USP32: variants seen among roughly 807,000 people sequenced by gnomAD.
USP32 encodes ubiquitin specific peptidase 32.
In USP32, 59 loss-of-function variants were observed where a neutral mutation model predicts 204.8. That is an observed-to-expected ratio of 0.29 (90% CI 0.23 to 0.36). The LOEUF (loss-of-function observed/expected upper bound fraction) is 0.36, where lower values mean the gene tolerates loss of function less well. USP32 is among the 10% of genes least tolerant of loss of function. USP32 has a pLI of 1.00. For missense variants in USP32, 1,160 were observed against 1,946.4 expected (o/e 0.60, Z 7.60); for synonymous variants, 517 against 678.4 (o/e 0.76, Z 3.70).
rs2087577589 is a variant in USP32 at position 60,301,588 on chromosome 17, A to G, written c.292+11T>C. ...TAGACGAATTATTTTTGAGATAATA[A>G]AAGTACTTACATTTTGCTTTCTCTT... On this transcript the variant is annotated intron_variant, in intron 3 of 33. Coordinates refer to ENST00000300896, the MANE Select transcript of USP32 (RefSeq NM_032582.4). 1 of 1,517,652 alleles carries G rather than the reference A, an allele frequency of 6.6e-7. No homozygotes were observed. The highest frequency in any genetic ancestry group is 8.9e-7 in the Non-Finnish European group (1 of 1,120,054). The allele number at this position is 1,517,652 out of a possible 1,614,324, so 94.0% of individuals were successfully genotyped here. A position where few individuals can be genotyped will look rare whatever the true frequency, so the allele number is the denominator to read the frequency against.
At chr17:60,273,489 G>A (rs547850938) in intron 5 of USP32, among the ~76,000 whole-genome samples, 3 of 152,084 alleles carry the variant, frequency 2.0e-5, no homozygotes, top group African/African-American at 7.2e-5. Flanking sequence ...AACAATCCTG[G>A]AAAATATGGT....
chr17:60,418,706 C>T (rs2143123713), intron 1 of USP32, among the ~76,000 whole-genome samples: 1 of 152,128 alleles, frequency 6.6e-6, no homozygotes, highest in East Asian at 1.9e-4. Flanking sequence ...CATCAAAGGA[C>T]ATGAACAGAC....
chr17:60,301,699 A>G lies in USP32; in HGVS notation c.192T>C (p.Ile64=). The change falls in exon 3 of 34, where the codon ATT becomes ATC. Residue 64 remains isoleucine (I), a synonymous_variant. Transcript: ENST00000300896. ...TGGATGTTCCACCAAAAGAACAGTAAATCACCTGGAAAAAGATGATAAAGC... is the reference window on the plus strand; with the variant it reads ...TGGATGTTCCACCAAAAGAACAGTAGATCACCTGGAAAAAGATGATAAAGC... ...DGVPPKVAEV[I]YCSFGGTSKG... The G allele has an allele frequency of 6.3e-7, 1 of 1,584,610 alleles. No individual in the cohort carries two copies. The highest frequency in any genetic ancestry group is 8.5e-7 in the Non-Finnish European group (1 of 1,170,660).
chr17:60,248,090 T>G (rs796814338), intron 11 of USP32, among the ~76,000 whole-genome samples: 7 of 152,384 alleles, frequency 4.6e-5, no homozygotes, highest in African/African-American at 1.7e-4. Flanking sequence ...TATTTTGAAG[T>G]CAGGTAGTAA....
intron 9 of USP32, chr17:60,257,901 T>A (rs1295969659): frequency 6.6e-6 from 1 of 152,294 alleles, no homozygotes; most frequent in Non-Finnish European, 1.5e-5. Flanking sequence ...TCTTACTAAG[T>A]TGCTTTTTTT....
intron 1 of USP32, among the ~76,000 whole-genome samples, chr17:60,370,764 CAA>C (rs112650493): frequency 0.018 from 1,276 of 72,702 alleles, 22 homozygotes; most frequent in African/African-American, 0.045. Context: ...GCTACTGTCT[CAA>C]AAAAAAAAAA....
chr17:60,295,795 T>G (rs998117809), intron 3 of USP32, among the ~76,000 whole-genome samples: 17 of 152,318 alleles, frequency 1.1e-4, no homozygotes, highest in African/African-American at 3.8e-4. Context: ...TGCCTAATTT[T>G]TAAATTAATC....
intron 1 of USP32, among the ~76,000 whole-genome samples, chr17:60,399,498 A>T (rs2089920722): frequency 6.6e-6 from 1 of 151,722 alleles, no homozygotes; most frequent in Admixed American, 6.6e-5. Flanking sequence ...CTACAAAAAA[A>T]TTTAAAAAAA....
chr17:60,222,610 C>A (rs7224812), intron 14 of USP32, 61 bp from the exon 15 acceptor site: 1 of 1,532,938 alleles, frequency 6.5e-7, no homozygotes, highest in Non-Finnish European at 8.9e-7. Context: ...TGGGTCTCAG[C>A]AATACCTAGA....
intron 29 of USP32, among the ~76,000 whole-genome samples, chr17:60,189,385 T>C (rs140157108): frequency 9.8e-5 from 15 of 152,352 alleles, no homozygotes; most frequent in Non-Finnish European, 1.8e-4. Context: ...TTACCGTTAC[T>C]AACTTATCCA....
chr17:60,259,272 G>A (rs1170690834), intron 9 of USP32, among the ~76,000 whole-genome samples: 1 of 152,030 alleles, frequency 6.6e-6, no homozygotes, highest in Admixed American at 6.6e-5. Flanking sequence ...TAAGAATCAT[G>A]GCCTTTTAAA....
At chr17:60,269,909 A>C (rs1211407531) in intron 6 of USP32, among the ~76,000 whole-genome samples, 1 of 152,182 alleles carries the variant, frequency 6.6e-6, no homozygotes, top group East Asian at 1.9e-4. Context: ...ACTTAGAAAG[A>C]CTAAGAAGAA....
chr17:60,252,467 AG>A (rs1480457788), intron 10 of USP32, 25 bp from the exon 11 acceptor site: 1 of 1,582,904 alleles, frequency 6.3e-7, no homozygotes, highest in East Asian at 2.3e-5. Context: ...GGTAAATCAA[AG>A]TTTATTAACT....
chr17:60,229,847 T>G (rs1323656077), intron 12 of USP32, among the ~76,000 whole-genome samples: 1 of 152,156 alleles, frequency 6.6e-6, no homozygotes, highest in African/African-American at 2.4e-5. Flanking sequence ...AGAGTCTCGC[T>G]TTGTTGCCCA....
At chr17:60,282,810 T>G (rs990145140) in intron 5 of USP32, among the ~76,000 whole-genome samples, 1 of 152,194 alleles carries the variant, frequency 6.6e-6, no homozygotes, top group African/African-American at 2.4e-5. Context: ...GGCAATCAAA[T>G]GTTTAAATCA....
chr17:60,347,491 C>T (rs374268757), intron 1 of USP32, among the ~76,000 whole-genome samples: 12 of 151,414 alleles, frequency 7.9e-5, no homozygotes, highest in African/African-American at 2.7e-4. Flanking sequence ...GTAGCTGGGA[C>T]TACAGGCGCC....
At chr17:60,316,626 A>G (rs921543449) in intron 2 of USP32, among the ~76,000 whole-genome samples, 2 of 152,058 alleles carry the variant, frequency 1.3e-5, no homozygotes, top group African/African-American at 4.8e-5. Flanking sequence ...GGAGCACTTG[A>G]GGTCAGGAGT....
At chr17:60,334,250 G>A (rs2088460298) in intron 2 of USP32, among the ~76,000 whole-genome samples, 1 of 151,994 alleles carries the variant, frequency 6.6e-6, no homozygotes, top group African/African-American at 2.4e-5. Flanking sequence ...CATTTTTCTG[G>A]ACTGCAAATG....
chr17:60,251,197 C>T (rs1259095730), intron 11 of USP32, among the ~76,000 whole-genome samples: 4 of 152,038 alleles, frequency 2.6e-5, no homozygotes, highest in African/African-American at 9.7e-5. Flanking sequence ...CCTGCCTTGG[C>T]TTCCCAAAGT....
Sources: allele counts gnomAD v4.1 joint callset (sites outside exome capture counted in the v4.1 genomes callset), GRCh38; gene constraint gnomAD v4.1.1; transcripts MANE v1.5; gene names NCBI Gene and HGNC (gene_info 2026-07-23, HGNC 2026-07-21).